RBFOX1: variants seen among roughly 807,000 people sequenced by gnomAD.
RBFOX1 encodes RNA binding protein fox-1 homolog 1.
In RBFOX1, 8 loss-of-function variants were observed where a neutral mutation model predicts 57.7. The ratio of observed to expected loss-of-function variants is 0.14; its 90% CI spans 0.08 to 0.25. The LOEUF (loss-of-function observed/expected upper bound fraction) is 0.25. RBFOX1 is among the 10% of genes least tolerant of loss of function. RBFOX1 has a pLI of 1.00. For synonymous variants in RBFOX1, 326 were observed against 222.4 expected (o/e 1.47, Z -4.15); for missense variants, 611 against 548.5 (o/e 1.11, Z -1.14).
At chr16:6,875,491 A>T (rs1363801190) in intron 3 of RBFOX1, among the ~76,000 whole-genome samples, 1 of 152,118 alleles carries the variant, frequency 6.6e-6, no homozygotes, top group Non-Finnish European at 1.5e-5. Flanking sequence ...AATCACCCTT[A>T]AGTGCAGTAT....
chr16:7,577,844 G>A (rs1424438117), intron 5 of RBFOX1, among the ~76,000 whole-genome samples: 3 of 152,216 alleles, frequency 2.0e-5, no homozygotes, highest in Admixed American at 1.3e-4. Context: ...TCAGTGAGCC[G>A]TGATTGTGCC....
chr16:6,647,075 G>C (rs2098540128), intron 2 of RBFOX1, among the ~76,000 whole-genome samples: 1 of 152,050 alleles, frequency 6.6e-6, no homozygotes, highest in Non-Finnish European at 1.5e-5. Flanking sequence ...CAAGATCAAG[G>C]TGCCAGCAGT....
At chr16:6,623,555 T>G (rs911032795) in intron 2 of RBFOX1, among the ~76,000 whole-genome samples, 1 of 152,094 alleles carries the variant, frequency 6.6e-6, no homozygotes, top group Non-Finnish European at 1.5e-5. Context: ...TAACTCGTCA[T>G]TTAACATTAG....
intron 2 of RBFOX1, among the ~76,000 whole-genome samples, chr16:6,563,955 G>T (rs570323272): frequency 6.6e-6 from 1 of 151,990 alleles, no homozygotes; most frequent in South Asian, 2.1e-4. Context: ...TGCCACAGTG[G>T]GGATCATTCT....
rs547820557 is a variant in RBFOX1, at chr16:5,750,571, C to T, written c.319-116732C>T. ...CTACTCAAGCCTCAGCAATGGCAGG[C>T]GCCCCTCCCCCAGCCTCGCTGCCGT... On this transcript the variant is annotated intron_variant, in intron 3 of 19. Transcript: ENST00000641259. Among the ~76,000 whole-genome samples the T allele has an allele frequency of 1.6e-4, 25 of 152,310 alleles. No individual in the cohort carries two copies. The South Asian group carries it at 2.3e-3, about 14-fold the overall frequency.
chr16:6,207,622 A>G (rs976105929), intron 1 of RBFOX1, among the ~76,000 whole-genome samples: 1 of 152,188 alleles, frequency 6.6e-6, no homozygotes, highest in Admixed American at 6.5e-5. Flanking sequence ...TTATTTGCCT[A>G]TTGAATAATA....
chr16:6,225,865 T>C (rs1205980412), intron 1 of RBFOX1, among the ~76,000 whole-genome samples: 1 of 152,214 alleles, frequency 6.6e-6, no homozygotes, highest in Non-Finnish European at 1.5e-5. Context: ...TGTGATTTAA[T>C]GCAAAAGCCT....
At chr16:5,634,660 C>T (rs1190475517) in intron 3 of RBFOX1, among the ~76,000 whole-genome samples, 1 of 152,152 alleles carries the variant, frequency 6.6e-6, no homozygotes, top group East Asian at 1.9e-4. Context: ...TCATAGATCA[C>T]TCGGAGTCAA....
At chr16:5,836,949 A>G (rs563356145) in intron 3 of RBFOX1, among the ~76,000 whole-genome samples, 1 of 152,176 alleles carries the variant, frequency 6.6e-6, no homozygotes. Flanking sequence ...CATCCTCCAC[A>G]CTGAAGCTGG....
At chr16:6,958,869 T>C (rs530522017) in intron 3 of RBFOX1, among the ~76,000 whole-genome samples, 16 of 152,264 alleles carry the variant, frequency 1.1e-4, no homozygotes, top group Non-Finnish European at 1.5e-4. Flanking sequence ...TTTTATTACC[T>C]TTTTTTGAGA....
At chr16:6,243,456 A>C (rs140567081) in intron 1 of RBFOX1, among the ~76,000 whole-genome samples, 3 of 152,262 alleles carry the variant, frequency 2.0e-5, no homozygotes, top group Non-Finnish European at 4.4e-5. Flanking sequence ...CTTACGGTTT[A>C]TGAGGAGACC....
At chr16:6,574,727 C>T (rs1210009598) in intron 2 of RBFOX1, among the ~76,000 whole-genome samples, 5 of 145,834 alleles carry the variant, frequency 3.4e-5, no homozygotes, top group Admixed American at 1.4e-4. Flanking sequence ...GCGCCCGGCC[C>T]GTATCTTCTA....
chr16:6,259,000 A>G (rs79592682), intron 1 of RBFOX1, among the ~76,000 whole-genome samples: 1,977 of 152,318 alleles, frequency 0.013, 59 homozygotes, highest in African/African-American at 0.045. Flanking sequence ...ATACAGAATA[A>G]CAAGATATAG....
At chr16:6,615,552 A>G (rs1398473923) in intron 2 of RBFOX1, among the ~76,000 whole-genome samples, 1 of 151,710 alleles carries the variant, frequency 6.6e-6, no homozygotes, top group Non-Finnish European at 1.5e-5. Context: ...CCTGGGAGAA[A>G]GAGCGAATCT....
intron 1 of RBFOX1, among the ~76,000 whole-genome samples, chr16:6,049,169 T>C (rs546096217): frequency 2.0e-5 from 3 of 151,404 alleles, no homozygotes; most frequent in East Asian, 3.9e-4. Context: ...GTTCAAGTGA[T>C]TCTCCTGCCT....
intron 4 of RBFOX1, among the ~76,000 whole-genome samples, chr16:7,490,695 A>G (rs2066698740): frequency 6.6e-6 from 1 of 152,156 alleles, no homozygotes; most frequent in Admixed American, 6.5e-5. Context: ...TCCAAGTTCA[A>G]CTCTGGTTGA....
chr16:7,125,202 C>T (rs1044984105), intron 4 of RBFOX1, among the ~76,000 whole-genome samples: 1 of 152,204 alleles, frequency 6.6e-6, no homozygotes, highest in Non-Finnish European at 1.5e-5. Context: ...GCCACACTGT[C>T]TTGAGTTCAG....
At chr16:6,475,036 T>C (rs1482132257) in intron 2 of RBFOX1, among the ~76,000 whole-genome samples, 3 of 152,226 alleles carry the variant, frequency 2.0e-5, no homozygotes, top group Non-Finnish European at 4.4e-5. Flanking sequence ...AGGCAGCTTA[T>C]ACAGTAACAT....
In RBFOX1 at chr16:5,907,301, G is replaced by T. The variant is rs558082515; in HGVS notation, c.351+39966G>T. ...TGCCTCATCCTCTGTGCATGCCCCT[G>T]GACCAGGATCTTCTAGATTTCATGC... On this transcript the variant is annotated intron_variant, in intron 4 of 19. Transcript: ENST00000641259. Among the ~76,000 whole-genome samples the T allele has an allele frequency of 2.0e-5, 3 of 152,066 alleles. No individual in the cohort carries two copies. The East Asian group carries it at 5.8e-4, about 29-fold the overall frequency.
Sources: allele counts gnomAD v4.1 joint callset (sites outside exome capture counted in the v4.1 genomes callset), GRCh38; gene constraint gnomAD v4.1.1; transcripts MANE v1.5; gene names NCBI Gene and HGNC (gene_info 2026-07-23, HGNC 2026-07-21).